CLNK: variants seen among roughly 807,000 people sequenced by gnomAD.
The protein encoded by CLNK is cytokine-dependent hematopoietic cell linker.
CLNK carries 74 observed loss-of-function variants against 68.6 expected under a neutral mutation model. The ratio of observed to expected loss-of-function variants is 1.08; its 90% confidence interval spans 0.89 to 1.31. The LOEUF (loss-of-function observed/expected upper bound fraction) is 1.31. CLNK is among the 50% of genes most tolerant of loss of function. CLNK has a pLI of 0.00. For synonymous variants in CLNK, 198 were observed against 172.2 expected (o/e 1.15, Z -1.17); for missense variants, 553 against 515.3 (o/e 1.07, Z -0.71).
chr4:10,664,941 G>T lies in CLNK; in HGVS notation c.11+2918C>A, dbSNP rs557350817. Among the ~76,000 whole-genome samples the T allele has an allele frequency of 5.9e-5, 9 of 152,358 alleles. No homozygotes were observed. In the South Asian group the frequency reaches 1.4e-3, roughly 25 times the overall value. On this transcript the variant is annotated intron_variant, in intron 2 of 18. Coordinates refer to ENST00000226951, the MANE Select transcript of CLNK (RefSeq NM_052964.4). The stretch of plus-strand genomic sequence containing the variant: ...CTTTTTACTTTGGGGCAGGCCAGCA[G>T]CAATCCCATACGGATTGACTGGCCT...
intron 14 of CLNK, among the ~76,000 whole-genome samples, chr4:10,523,200 C>T (rs934511699): frequency 6.6e-6 from 1 of 152,102 alleles, no homozygotes; most frequent in Non-Finnish European, 1.5e-5. Context: ...GGAAAGAGAG[C>T]TTACTGAGTT....
At chr4:10,627,917 C>A (rs1314695992) in intron 2 of CLNK, among the ~76,000 whole-genome samples, 1 of 152,168 alleles carries the variant, frequency 6.6e-6, no homozygotes, top group Non-Finnish European at 1.5e-5. Context: ...ACTTCTTCCC[C>A]CTTCTGTCTC....
At chr4:10,520,852 A>G in intron 14 of CLNK, 21 bp from the exon 15 acceptor site, 1 of 1,573,456 alleles carries the variant, frequency 6.4e-7, no homozygotes, top group Non-Finnish European at 8.7e-7. Flanking sequence ...ATATGTTAAA[A>G]TTCAAAGAAT....
the CLNK span, chr4:10,692,050 T>TC: frequency 1.3e-5 from 2 of 151,588 alleles, no homozygotes; most frequent in African/African-American, 2.4e-5. Flanking sequence ...GTTTTTTTTT[T>TC]CTTTTCTTTT....
chr4:10,665,490 C>A (rs972125973), intron 2 of CLNK, among the ~76,000 whole-genome samples: 11 of 151,856 alleles, frequency 7.2e-5, no homozygotes, highest in African/African-American at 2.7e-4. Flanking sequence ...ATGGTGAAAC[C>A]CTGTCTCTAC....
chr4:10,532,396 C>T (rs1011464069), intron 11 of CLNK, 113 bp from the exon 12 acceptor site: 1 of 806,306 alleles, frequency 1.2e-6, no homozygotes, highest in Admixed American at 2.1e-5. Context: ...AATTAACAGC[C>T]CATAGTCCAG....
the CLNK span, among the ~76,000 whole-genome samples, chr4:10,695,733 G>T: frequency 6.6e-6 from 1 of 152,194 alleles, no homozygotes; most frequent in Non-Finnish European, 1.5e-5. Context: ...TTGTACAGAG[G>T]TAAGCATAAT....
chr4:10,575,799 C>T (rs938050988), intron 4 of CLNK, among the ~76,000 whole-genome samples: 1 of 152,248 alleles, frequency 6.6e-6, no homozygotes, highest in African/African-American at 2.4e-5. Context: ...TTGGAAAAAG[C>T]CTTCCTTTGA....
intron 5 of CLNK, among the ~76,000 whole-genome samples, chr4:10,570,046 G>T (rs913527601): frequency 5.9e-5 from 9 of 152,184 alleles, no homozygotes; most frequent in African/African-American, 2.2e-4. Context: ...GGGAGAGAAG[G>T]TGTCTCGGTT....
chr4:10,622,432 A>C (rs1722492633), intron 2 of CLNK, among the ~76,000 whole-genome samples: 1 of 152,214 alleles, frequency 6.6e-6, no homozygotes, highest in African/African-American at 2.4e-5. Flanking sequence ...ACAATTCATG[A>C]CGGGATGTGA....
At chr4:10,603,029 C>T (rs1220861115) in intron 2 of CLNK, among the ~76,000 whole-genome samples, 1 of 152,142 alleles carries the variant, frequency 6.6e-6, no homozygotes, top group Non-Finnish European at 1.5e-5. Context: ...AATTTCTCAC[C>T]TTTTCAGAGA....
At chr4:10,715,570 A>G in the CLNK span, among the ~76,000 whole-genome samples, 1 of 152,218 alleles carries the variant, frequency 6.6e-6, no homozygotes, top group Admixed American at 6.5e-5. Flanking sequence ...TCCAAAAGGA[A>G]AATTTCTTCT....
chr4:10,553,350 T>C (rs2108815605), intron 8 of CLNK, among the ~76,000 whole-genome samples: 1 of 152,348 alleles, frequency 6.6e-6, no homozygotes, highest in African/African-American at 2.4e-5. Flanking sequence ...AGATCCACAA[T>C]GCTCTTAAAA....
intron 15 of CLNK, among the ~76,000 whole-genome samples, chr4:10,518,776 G>T (rs1394423732): frequency 6.6e-6 from 1 of 152,120 alleles, no homozygotes; most frequent in Non-Finnish European, 1.5e-5. Context: ...GTATAATAAC[G>T]TACAACTATG....
At chr4:10,559,212 CTTAGTA>C (rs1445831803) in intron 7 of CLNK, among the ~76,000 whole-genome samples, 1 of 152,112 alleles carries the variant, frequency 6.6e-6, no homozygotes, top group Non-Finnish European at 1.5e-5. Context: ...ATATTAGGGT[CTTAGTA>C]TTAGTCTTTA....
intron 2 of CLNK, among the ~76,000 whole-genome samples, chr4:10,614,865 G>T (rs946108727): frequency 6.6e-6 from 1 of 152,176 alleles, no homozygotes; most frequent in African/African-American, 2.4e-5. Flanking sequence ...TATCAGTTCT[G>T]GGTGCACTAA....
chr4:10,619,848 A>G (rs891935180), intron 2 of CLNK, among the ~76,000 whole-genome samples: 1 of 152,076 alleles, frequency 6.6e-6, no homozygotes, highest in African/African-American at 2.4e-5. Context: ...AGGAGGGTAA[A>G]AACTCTATCC....
At chr4:10,490,670 T>C in intron 18 of CLNK, 57 bp from the exon 19 acceptor site, 2 of 1,436,126 alleles carry the variant, frequency 1.4e-6, no homozygotes, top group South Asian at 2.6e-5. Context: ...GTCTGTAGGT[T>C]AAAGTATAGC....
At chr4:10,665,543 A>T (rs1038486471) in intron 2 of CLNK, among the ~76,000 whole-genome samples, 1 of 151,896 alleles carries the variant, frequency 6.6e-6, no homozygotes, top group African/African-American at 2.4e-5. Flanking sequence ...AGACACCTGT[A>T]ATCCCAGCTA....
Sources: gnomAD v4.1 joint callset for allele counts (sites outside exome capture counted in the v4.1 genomes callset) on GRCh38, gnomAD v4.1.1 for gene constraint, MANE v1.5 for transcripts, NCBI Gene and HGNC (gene_info 2026-07-23, HGNC 2026-07-21) for gene names.